Variants in TEX9 observed in about 807,000 individuals in gnomAD.
TEX9 encodes testis-expressed protein 9.
TEX9 carries 74 observed loss-of-function variants against 59.6 expected under a neutral mutation model. The observed-to-expected ratio is 1.24, with a 90% CI of 1.03 to 1.51. TEX9 has a LOEUF of 1.51. Among genes scored for constraint, TEX9 ranks in the 40% most tolerant of loss-of-function variants. The probability of loss-of-function intolerance (pLI) is 0.00; values close to 1 mark genes in which losing one functional copy is unlikely to be tolerated. For synonymous variants in TEX9, 186 were observed against 152.2 expected, an observed-to-expected ratio of 1.22 and a Z score of -1.64; for missense variants, 522 against 447.8, an observed-to-expected ratio of 1.17 and a Z score of -1.49.
intron 1 of TEX9, among the ~76,000 whole-genome samples, chr15:56,313,963 G>T (rs1302340246): frequency 3.9e-5 from 5 of 126,790 alleles, no homozygotes; most frequent in African/African-American, 1.4e-4. Context: ...TTCTCTGATG[G>T]TAGTTTGTAT....
intron 9 of TEX9, among the ~76,000 whole-genome samples, chr15:56,399,661 G>T (rs2048671859): frequency 6.6e-6 from 1 of 152,234 alleles, no homozygotes; most frequent in Admixed American, 6.5e-5. Context: ...GCCTCCTCAA[G>T]TGGGTCCCTG....
At chr15:56,317,047 G>C (rs1196457714) in intron 1 of TEX9, among the ~76,000 whole-genome samples, 1 of 152,136 alleles carries the variant, frequency 6.6e-6, no homozygotes, top group Non-Finnish European at 1.5e-5. Context: ...TGCGCCCACT[G>C]TCTGGCACTC....
chr15:56,361,745 T>C (rs2046793111), upstream of TEX9, among the ~76,000 whole-genome samples: 1 of 146,638 alleles, frequency 6.8e-6, no homozygotes, highest in Admixed American at 6.6e-5. Context: ...AGGAATGCCA[T>C]GCAAAAGCAG....
intron 1 of TEX9, among the ~76,000 whole-genome samples, chr15:56,316,501 G>GT (rs1217947818): frequency 4.6e-4 from 69 of 150,128 alleles, no homozygotes; most frequent in Non-Finnish European, 4.5e-4. Flanking sequence ...GAGGCAGTCT[G>GT]CCCGTTCTCA....
chr15:56,411,044 G>A (rs1267212686), intron 9 of TEX9, among the ~76,000 whole-genome samples: 2 of 152,142 alleles, frequency 1.3e-5, no homozygotes, highest in Admixed American at 6.5e-5. Flanking sequence ...TAAATAAAAT[G>A]TAGTGATATA....
intron 1 of TEX9, among the ~76,000 whole-genome samples, chr15:56,245,481 T>A (rs1474780688): frequency 2.0e-5 from 3 of 152,198 alleles, no homozygotes; most frequent in Non-Finnish European, 4.4e-5. Flanking sequence ...TAGGAAACTA[T>A]AGGTGGTTTA....
chr15:56,449,606 G>C (rs1330780074), downstream of TEX9, among the ~76,000 whole-genome samples: 4 of 152,050 alleles, frequency 2.6e-5, no homozygotes, highest in African/African-American at 9.7e-5. Context: ...ATTGGGAAGG[G>C]CTTCCTCTTT....
intron 4 of TEX9, among the ~76,000 whole-genome samples, chr15:56,385,981 GA>G (rs1861797290): frequency 6.6e-6 from 1 of 151,802 alleles, no homozygotes; most frequent in Admixed American, 6.6e-5. Context: ...ATATATCCAC[GA>G]AAAAACCTGC....
intron 1 of TEX9, among the ~76,000 whole-genome samples, chr15:56,334,846 G>A (rs774956846): frequency 1.3e-5 from 2 of 152,018 alleles, no homozygotes; most frequent in Non-Finnish European, 2.9e-5. Context: ...ATGGGCAAAG[G>A]ATCTGAATAG....
At chr15:56,256,280 C>T (rs2044143427) in intron 1 of TEX9, among the ~76,000 whole-genome samples, 1 of 151,892 alleles carries the variant, frequency 6.6e-6, no homozygotes, top group Non-Finnish European at 1.5e-5. Flanking sequence ...ATAACCCGGC[C>T]AAGGGCACAC....
At position 56,443,790 on chromosome 15, in the gene TEX9, C is replaced by G. The variant is rs137897472; in HGVS notation, c.*30-1881C>G. On this transcript the variant is annotated intron_variant, in intron 12 of 12. Transcript: ENST00000352903. ...TTCTTTTTTCTCCAGAGAGCCTGCT[C>G]TTTCTGAAACTCTTCTATATACCTT... The G allele has an allele frequency of 3.6e-5, 58 of 1,612,638 alleles. No individual in the cohort carries two copies. In the African/African-American group the frequency reaches 7.5e-4, roughly 21 times the overall value.
chr15:56,354,847 T>G (rs1322344942), intron 1 of TEX9, among the ~76,000 whole-genome samples: 1 of 152,178 alleles, frequency 6.6e-6, no homozygotes, highest in African/African-American at 2.4e-5. Context: ...AAGACAGTAC[T>G]GTATGAAGAA....
intron 1 of TEX9, among the ~76,000 whole-genome samples, chr15:56,350,961 G>A (rs1270130364): frequency 1.3e-5 from 2 of 152,172 alleles, no homozygotes; most frequent in African/African-American, 4.8e-5. Flanking sequence ...GTAGAAGAAT[G>A]GCAATGGCAA....
At chr15:56,426,637 A>AC (rs1567141724) in intron 10 of TEX9, among the ~76,000 whole-genome samples, 8 of 94,534 alleles carry the variant, frequency 8.5e-5, no homozygotes, top group African/African-American at 9.1e-5. Flanking sequence ...ACACACACAC[A>AC]AACACACACA....
At chr15:56,376,233 A>T (rs1040314069) in intron 3 of TEX9, among the ~76,000 whole-genome samples, 33 of 151,850 alleles carry the variant, frequency 2.2e-4, no homozygotes, top group Admixed American at 3.3e-4. Flanking sequence ...ATAATAAAAT[A>T]AAAAAAAGAT....
chr15:56,331,171 T>G (rs2046131235), intron 1 of TEX9, among the ~76,000 whole-genome samples: 1 of 152,098 alleles, frequency 6.6e-6, no homozygotes. Context: ...TTATTAGAGG[T>G]AATGAGAGAG....
In TEX9 at chr15:56,358,338, A is replaced by C. The variant is rs1481350668; in HGVS notation, c.-106-15103A>C. ...CTTCAAGTTCAGTAATGCATAGATA[A>C]GTTTTTTTTTTTTTTCCAGAATCTG... is the stretch of plus-strand genomic sequence containing the variant. On this transcript the variant is annotated intron_variant, in intron 1 of 5. Coordinates refer to the TEX9 transcript ENST00000560827. Among the ~76,000 whole-genome samples the C allele has an allele frequency of 4.3e-5, 6 of 141,142 alleles. No individual in the cohort carries two copies. In the East Asian group the frequency reaches 1.2e-3, roughly 28 times the overall value. 92.6% of individuals were successfully genotyped at this position (141,142 alleles called of 152,430 possible). A position where few individuals can be genotyped will look rare whatever the true frequency, so the allele number is the denominator to read the frequency against.
At chr15:56,267,304 T>C (rs1299010568) in intron 1 of TEX9, among the ~76,000 whole-genome samples, 3 of 152,234 alleles carry the variant, frequency 2.0e-5, no homozygotes, top group African/African-American at 7.2e-5. Context: ...GGTAGTTTCT[T>C]TTGCTGTGCA....
chr15:56,354,150 T>C (rs948126128), intron 1 of TEX9, among the ~76,000 whole-genome samples: 3 of 152,206 alleles, frequency 2.0e-5, no homozygotes, highest in African/African-American at 7.2e-5. Context: ...ATATATGTAT[T>C]CTGAATTAAG....
Sources: gnomAD v4.1 joint callset for allele counts (sites outside exome capture counted in the v4.1 genomes callset) on GRCh38, gnomAD v4.1.1 for gene constraint, MANE v1.5 for transcripts, NCBI Gene and HGNC (gene_info 2026-07-23, HGNC 2026-07-21) for gene names.